The following SMARCE1 variants were observed in gnomAD, a reference collection of about 807,000 sequenced individuals.
SMARCE1 encodes the protein SWI/SNF-related matrix-associated actin-dependent regulator of chromatin subfamily E member 1.
A neutral mutation model predicts 54.9 loss-of-function variants in SMARCE1; 13 were observed. The ratio of observed to expected loss-of-function variants is 0.24; its 90% CI spans 0.15 to 0.38. The LOEUF (loss-of-function observed/expected upper bound fraction) is 0.38, where lower values mean the gene tolerates loss of function less well. SMARCE1 is among the 10% of genes least tolerant of loss of function. The pLI, the probability that SMARCE1 is intolerant of heterozygous loss-of-function variation, is 1.00. For missense variants in SMARCE1, 295 were observed against 523.8 expected, an observed-to-expected ratio of 0.56 and a Z score of 4.26; for synonymous variants, 151 against 175.3, an observed-to-expected ratio of 0.86 and a Z score of 1.10.
chr17:40,646,131 A>G (rs1386334341), intron 1 of SMARCE1, among the ~76,000 whole-genome samples: 2 of 152,182 alleles, frequency 1.3e-5, no homozygotes, highest in East Asian at 3.9e-4. Flanking sequence ...CATTTTGCTG[A>G]CGCCATGTAA....
intron 1 of SMARCE1, 103 bp downstream of exon 1, chr17:40,647,670 C>T (rs1046624307): frequency 1.3e-5 from 2 of 152,828 alleles, no homozygotes; most frequent in Non-Finnish European, 2.9e-5. Flanking sequence ...GCCCCACGGC[C>T]AAGGCTGAAC....
intron 10 of SMARCE1, chr17:40,629,906 GGA>G (rs2037072816): frequency 2.9e-6 from 1 of 350,100 alleles, no homozygotes; most frequent in South Asian, 1.5e-4. Context: ...TTAATCTGCT[GGA>G]TTAAATTTTG....
intron 6 of SMARCE1, 87 bp downstream of exon 6, chr17:40,636,308 C>A: frequency 1.4e-6 from 2 of 1,438,020 alleles, no homozygotes; most frequent in East Asian, 2.3e-5. Flanking sequence ...AGTGTTCTGA[C>A]CAAATCTTAT....
Position 40,628,174 on chromosome 17 carries a change from T to A in SMARCE1, c.*611A>T, listed in dbSNP as rs1028270577. The A allele has an allele frequency of 6.5e-6, 1 of 153,084 alleles. No individual in the cohort carries two copies. The highest frequency in any genetic ancestry group is 1.5e-5 in the Non-Finnish European group (1 of 68,500). The allele number at this position is 153,084 out of a possible 1,614,324, so 9.5% of individuals were successfully genotyped here. ...TAATGTATATGTGCTGTGTTCACTT[T>A]AATAACCACTTCATAAGTAACTACT... On this transcript the variant is annotated 3_prime_UTR_variant, in exon 11 of 11. Coordinates refer to ENST00000348513, the MANE Select transcript of SMARCE1 (RefSeq NM_003079.5).
chr17:40,640,522 C>T (rs2037188448), intron 4 of SMARCE1: 1 of 152,136 alleles, frequency 6.6e-6, no homozygotes, highest in African/African-American at 2.4e-5. Flanking sequence ...ACAACAATAC[C>T]ATACAGGAGC....
chr17:40,643,991 G>A, intron 3 of SMARCE1: 1 of 155,750 alleles, frequency 6.4e-6, no homozygotes, highest in Non-Finnish European at 1.4e-5. Flanking sequence ...GGTGGTGATG[G>A]TGGTGGTGGT....
rs2143988486 is a variant in SMARCE1 at position 40,632,318 on chromosome 17, C to A, written c.591G>T (p.Gln197His). ...TTTCACTGATGAGGCGGTGGTTTCT[C>A]TGGAAACGGGCGGTGGCTGTATGCT... ...SMKHTATARF[Q>H]RNHRLISEIL... The change falls in exon 8 of 11, where the codon CAG becomes CAT. Residue 197 changes from glutamine (Q) to histidine (H), a missense_variant. Around this residue, in one of 5 missense-constraint regions of SMARCE1, gnomAD observed 101 missense variants for 183.1 expected, o/e 0.55. Coordinates refer to ENST00000348513, the MANE Select transcript of SMARCE1 (RefSeq NM_003079.5). 1 of 1,614,076 alleles carries A rather than the reference C, an allele frequency of 6.2e-7. No homozygotes were observed. The highest frequency in any genetic ancestry group is 8.5e-7 in the Non-Finnish European group (1 of 1,179,950).
intron 9 of SMARCE1, chr17:40,631,373 G>A (rs2037093896): frequency 6.8e-6 from 3 of 441,118 alleles, no homozygotes; most frequent in African/African-American, 5.9e-5. Flanking sequence ...TACAGGCCTA[G>A]AAGATATGTG....
At chr17:40,638,776 G>A (rs2037168872) in intron 4 of SMARCE1, among the ~76,000 whole-genome samples, 1 of 152,132 alleles carries the variant, frequency 6.6e-6, no homozygotes, top group African/African-American at 2.4e-5. Context: ...AGACAGGATT[G>A]GCAAATCCTT....
At chr17:40,634,808 C>T (rs2037129760) in intron 7 of SMARCE1, 1 of 152,152 alleles carries the variant, frequency 6.6e-6, no homozygotes, top group African/African-American at 2.4e-5. Context: ...TATCTGTAGA[C>T]TGGATTGTCT....
rs1442599198 is a variant in SMARCE1, at chr17:40,630,840, C to T, written c.901G>A (p.Glu301Lys). The T allele has an allele frequency of 3.1e-6, 5 of 1,614,104 alleles. No homozygotes were observed. Among genetic ancestry groups the T allele is most frequent in the African/African-American group, 1.3e-5 (1 of 75,024 alleles). Residue 301 changes from glutamate (E) to lysine (K), a missense_variant, in exon 10 of 11, where the codon GAG becomes AAG. Transcript: ENST00000348513. ...QAEEQARKRQ[E>K]EREKEAAEQA... ...TCTGCGGCCTCCTTCTCCCTTTCCT[C>T]CTGCCTTTTGCGGGCCTGTTCCTCT...
rs2143973899 is a variant in SMARCE1 at position 40,625,156 on chromosome 17, G to C, written c.*3629C>G. ...CATTTTGTAGATGAAATTGTACACT[G>C]GCAATTTCTTATGGTTCAACCTAAT... On this transcript the variant is annotated 3_prime_UTR_variant, in exon 11 of 11. Transcript: ENST00000348513. 1 of 152,302 alleles carries C rather than the reference G, an allele frequency of 6.6e-6. No homozygotes were observed. Among genetic ancestry groups the C allele is most frequent in the South Asian group, 2.1e-4 (1 of 4,824 alleles). The allele number at this position is 152,302 out of a possible 1,614,324, so 9.4% of individuals were successfully genotyped here. A position where few individuals can be genotyped will look rare whatever the true frequency, so the allele number is the denominator to read the frequency against.
At chr17:40,630,148 C>A in intron 10 of SMARCE1, 2 of 853,744 alleles carry the variant, frequency 2.3e-6, no homozygotes, top group South Asian at 1.6e-5. Flanking sequence ...AAGTGACGAT[C>A]AATGTAATCA....
chr17:40,629,177 T>C, intron 10 of SMARCE1, 184 bp from the exon 11 acceptor site: 1 of 568,300 alleles, frequency 1.8e-6, no homozygotes, highest in Non-Finnish European at 3.1e-6. Context: ...TATGAAAATC[T>C]ACTTTTTAGC....
At chr17:40,644,598 G>C (rs2037234836) in intron 3 of SMARCE1, 1 of 152,158 alleles carries the variant, frequency 6.6e-6, no homozygotes, top group Non-Finnish European at 1.5e-5. Flanking sequence ...AGAACATATG[G>C]TACGGTATCT....
At chr17:40,639,451 G>T (rs879309426) in intron 4 of SMARCE1, among the ~76,000 whole-genome samples, 7 of 152,270 alleles carry the variant, frequency 4.6e-5, no homozygotes, top group Admixed American at 3.3e-4. Context: ...ATTCTAAAAT[G>T]CCTATGCTTC....
chr17:40,631,182 T>C (rs1307034180), intron 9 of SMARCE1: 2 of 402,666 alleles, frequency 5.0e-6, no homozygotes, highest in Admixed American at 4.0e-5. Context: ...ATAGTGAAAG[T>C]TCTGGGGTAT....
At position 40,625,200 on chromosome 17, in the gene SMARCE1, A is replaced by C. The variant is rs1671073421; in HGVS notation, c.*3585T>G. 1 of 152,258 alleles carries C rather than the reference A, an allele frequency of 6.6e-6. No homozygotes were observed. The highest frequency in any genetic ancestry group is 6.5e-5 in the Admixed American group (1 of 15,288). 9.4% of individuals were successfully genotyped at this position (152,258 alleles called of 1,614,324 possible). ...ACCTAATAGTAAAACATTTATAAAC[A>C]ATTGTATCATTACAAATACATTTAG... is the stretch of plus-strand genomic sequence containing the variant. On this transcript the variant is annotated 3_prime_UTR_variant, in exon 11 of 11. Coordinates refer to ENST00000348513, the MANE Select transcript of SMARCE1 (RefSeq NM_003079.5).
chr17:40,635,916 C>T lies in SMARCE1; in HGVS notation c.541+15G>A. ...CAGAGAAAGCATAAACAAAACCCCA[C>T]TTTTTTTCTTTTACCATCTGGATCT... On this transcript the variant is annotated intron_variant, in intron 7 of 10. Transcript: ENST00000348513. 1.3e-6 allele frequency: 2 copies of T among 1,543,398 alleles called. No homozygotes were observed. Among genetic ancestry groups the T allele is most frequent in the South Asian group, 2.6e-5 (2 of 77,740 alleles).
Sources: gnomAD v4.1 joint callset for allele counts (sites outside exome capture counted in the v4.1 genomes callset) on GRCh38, gnomAD v4.1.1 for gene constraint, gnomAD v4.1.1 regional missense constraint, MANE v1.5 for transcripts, NCBI Gene and HGNC (gene_info 2026-07-23, HGNC 2026-07-21) for gene names.